Variants in OSBPL2 observed in about 807,000 individuals in gnomAD.
The protein encoded by OSBPL2 is oxysterol-binding protein-related protein 2.
OSBPL2 carries 18 observed loss-of-function variants against 58.4 expected under a neutral mutation model. The observed-to-expected ratio is 0.31, with a 90% confidence interval of 0.21 to 0.46. The LOEUF (loss-of-function observed/expected upper bound fraction) is 0.46. OSBPL2 is among the 20% of genes least tolerant of loss of function. The pLI is 1.00. For missense variants in OSBPL2, 461 were observed against 616.5 expected (o/e 0.75, Z 2.67); for synonymous variants, 221 against 234.1 (o/e 0.94, Z 0.51).
intron 1 of OSBPL2, among the ~76,000 whole-genome samples, chr20:62,255,521 C>T (rs1423393828): frequency 1.3e-5 from 2 of 151,858 alleles, no homozygotes; most frequent in African/African-American, 2.4e-5. Context: ...TTATTTATTT[C>T]GAGACAGAGT....
At chr20:62,256,694 A>G (rs1158287473) in intron 2 of OSBPL2, among the ~76,000 whole-genome samples, 3 of 152,164 alleles carry the variant, frequency 2.0e-5, no homozygotes, top group African/African-American at 4.8e-5. Flanking sequence ...CCTGTGGCCT[A>G]ATTGAAAAGA....
chr20:62,283,029 C>A (rs948412767), intron 9 of OSBPL2, among the ~76,000 whole-genome samples: 8 of 152,374 alleles, frequency 5.3e-5, no homozygotes, highest in Admixed American at 3.9e-4. Flanking sequence ...CTTGACACCT[C>A]TCCCCCTTGG....
At chr20:62,291,899 C>T (rs372641070) in intron 13 of OSBPL2, 106 bp downstream of exon 13, 1 of 1,044,990 alleles carries the variant, frequency 9.6e-7, no homozygotes, top group Non-Finnish European at 1.4e-6. Context: ...GGGGAGGCCC[C>T]ACACACACCT....
rs1358292217 is a variant in OSBPL2 at position 62,281,893 on chromosome 20, A to G, written c.872+14A>G. 2.5e-6 allele frequency: 4 copies of G among 1,572,642 alleles called. No individual in the cohort carries two copies. The highest frequency in any genetic ancestry group is 2.7e-5 in the African/African-American group (2 of 74,264). On this transcript the variant is annotated intron_variant, in intron 9 of 13. Transcript: ENST00000313733. ...TCAAGACAAAAAGTAGGTCCTTGCCAAGTGTTCATGGGGCACCACTACAGC... is the reference window on the plus strand; with the variant it reads ...TCAAGACAAAAAGTAGGTCCTTGCCGAGTGTTCATGGGGCACCACTACAGC...
At chr20:62,290,101 C>CTCTG (rs1012595157) in intron 12 of OSBPL2, among the ~76,000 whole-genome samples, 36 of 152,320 alleles carry the variant, frequency 2.4e-4, no homozygotes, top group Admixed American at 2.2e-3. Context: ...TCCCGGTGGG[C>CTCTG]TCTGTGCTTG....
chr20:62,283,026 C>G (rs1948788516), intron 9 of OSBPL2, among the ~76,000 whole-genome samples: 1 of 152,214 alleles, frequency 6.6e-6, no homozygotes, highest in Non-Finnish European at 1.5e-5. Context: ...TGCCTTGACA[C>G]CTCTCCCCCT....
At chr20:62,240,020 T>C (rs1568818989) in intron 1 of OSBPL2, among the ~76,000 whole-genome samples, 1 of 152,068 alleles carries the variant, frequency 6.6e-6, no homozygotes, top group Non-Finnish European at 1.5e-5. Context: ...GCCCGCCTAA[T>C]TTTTTTATTT....
At chr20:62,286,460 AAAG>A (rs1265478507) in intron 10 of OSBPL2, 120 bp from the exon 11 acceptor site, 5 of 1,143,942 alleles carry the variant, frequency 4.4e-6, no homozygotes, top group Non-Finnish European at 5.0e-6. Flanking sequence ...AAAAAAAAAA[AAAG>A]GAGAAGGCTG....
In OSBPL2 at chr20:62,264,296, A is replaced by T. The variant is rs572678644; in HGVS notation, c.258+605A>T. Among the ~76,000 whole-genome samples the T allele has an allele frequency of 4.9e-4, 74 of 152,276 alleles. 4 individuals are homozygous for T. In the South Asian group the frequency reaches 0.015, roughly 31 times the overall value. ...CATGCTGAGCTGCAGGAGGGGTGTC[A>T]GCCTTTGTCAGGTGCTCAGGGTTTG... is the stretch of plus-strand genomic sequence containing the variant. On this transcript the variant is annotated intron_variant, in intron 4 of 13. Coordinates refer to ENST00000313733, the MANE Select transcript of OSBPL2 (RefSeq NM_144498.4).
chr20:62,274,319 C>A (rs1195926582), intron 6 of OSBPL2, among the ~76,000 whole-genome samples: 7 of 152,226 alleles, frequency 4.6e-5, no homozygotes, highest in Admixed American at 2.0e-4. Flanking sequence ...AATTCCTCAG[C>A]CATTGAGCAG....
chr20:62,250,707 G>A (rs2145920457), intron 1 of OSBPL2, among the ~76,000 whole-genome samples: 1 of 152,276 alleles, frequency 6.6e-6, no homozygotes, highest in East Asian at 1.9e-4. Flanking sequence ...GATCACTTGA[G>A]TCCAGGAGTT....
intron 3 of OSBPL2, among the ~76,000 whole-genome samples, chr20:62,262,091 C>T (rs113674180): frequency 8.0e-5 from 12 of 150,020 alleles, no homozygotes; most frequent in Admixed American, 6.6e-5. Flanking sequence ...GGACCCCCCC[C>T]CCACCCCGTC....
rs559537368 is a variant in OSBPL2, at chr20:62,272,358, C to T, written c.393+99C>T. The stretch of plus-strand genomic sequence containing the variant: ...GGGGCCCCAGGCATCTGTGAGGACT[C>T]GCACAGCTCCCCCCAGTGTTCAGTG... On this transcript the variant is annotated intron_variant, in intron 5 of 13. Coordinates refer to ENST00000313733, the MANE Select transcript of OSBPL2 (RefSeq NM_144498.4). 3.4e-5 allele frequency: 45 copies of T among 1,312,778 alleles called. No individual in the cohort carries two copies. In the East Asian group the frequency reaches 6.3e-4, roughly 18 times the overall value. 81.3% of individuals were successfully genotyped at this position (1,312,778 alleles called of 1,614,324 possible).
intron 3 of OSBPL2, among the ~76,000 whole-genome samples, chr20:62,263,348 C>G (rs147608684): frequency 6.6e-6 from 1 of 152,144 alleles, no homozygotes; most frequent in Non-Finnish European, 1.5e-5. Context: ...TCCTCCAGCT[C>G]TGAGAGGAAA....
Position 62,281,827 on chromosome 20 carries a change from G to A in OSBPL2, c.820G>A (p.Gly274Arg). 1.2e-6 allele frequency: 2 copies of A among 1,612,486 alleles called. No homozygotes were observed. Among genetic ancestry groups the A allele is most frequent in the Non-Finnish European group, 1.7e-6 (2 of 1,178,626 alleles). ...GTGTGTGCTTCACTTTAAACCGTGT[G>A]GATTATTTGGAAAAGAACTTCACAA... is the stretch of plus-strand genomic sequence containing the variant. Reference protein sequence around the residue: ...HKCVLHFKPCGLFGKELHKVE... With the variant: ...HKCVLHFKPCRLFGKELHKVE... The change falls in exon 9 of 14, where the codon GGA becomes AGA. Residue 274 changes from glycine to arginine, a missense_variant. Physicochemically the swap from Gly to Arg is moderately radical, Grantham distance 125 (BLOSUM62 -2). This residue lies in a region of OSBPL2 where 319 missense variants were observed against 419.2 expected (regional missense o/e 0.76). Coordinates refer to ENST00000313733, the MANE Select transcript of OSBPL2 (RefSeq NM_144498.4).
chr20:62,263,119 T>G (rs1393174118), intron 3 of OSBPL2, among the ~76,000 whole-genome samples: 2 of 152,190 alleles, frequency 1.3e-5, no homozygotes, highest in Admixed American at 1.3e-4. Flanking sequence ...CATGAGGGCA[T>G]GGGCTCCGCC....
chr20:62,279,102 C>T, intron 6 of OSBPL2, 55 bp from the exon 7 acceptor site: 10 of 1,487,060 alleles, frequency 6.7e-6, no homozygotes, highest in Admixed American at 1.8e-5. Context: ...CTGAGCTGCC[C>T]TTTCTTTTAT....
At chr20:62,279,776 T>C (rs1353445315) in intron 7 of OSBPL2, among the ~76,000 whole-genome samples, 1 of 152,260 alleles carries the variant, frequency 6.6e-6, no homozygotes, top group Non-Finnish European at 1.5e-5. Flanking sequence ...GGGTTGCCCA[T>C]GGCGCCTGTG....
At chr20:62,275,395 T>G (rs1568844014) in intron 6 of OSBPL2, among the ~76,000 whole-genome samples, 3 of 152,226 alleles carry the variant, frequency 2.0e-5, no homozygotes, top group East Asian at 1.9e-4. Flanking sequence ...CATGTCAGTT[T>G]CTTGTTCCTT....
Sources: allele counts gnomAD v4.1 joint callset (sites outside exome capture counted in the v4.1 genomes callset), GRCh38; gene constraint gnomAD v4.1.1; regional missense constraint gnomAD v4.1.1; transcripts MANE v1.5; gene names NCBI Gene and HGNC (gene_info 2026-07-23, HGNC 2026-07-21).